The following TSPAN9 variants were observed in gnomAD, a reference collection of about 807,000 sequenced individuals.
TSPAN9 encodes the protein tetraspanin 9.
A neutral mutation model predicts 31.0 loss-of-function variants in TSPAN9; 16 were observed. That is an observed-to-expected ratio of 0.52 (90% CI 0.35 to 0.78). The LOEUF is 0.78. TSPAN9 is among the 30% of genes least tolerant of loss of function. The pLI is 0.01. For synonymous variants in TSPAN9, 145 were observed against 121.6 expected, an observed-to-expected ratio of 1.19 and a Z score of -1.27; for missense variants, 272 against 312.5, an observed-to-expected ratio of 0.87 and a Z score of 0.98.
chr12:3,211,975 T>C (rs1374648217), intron 3 of TSPAN9: 10 of 954,566 alleles, frequency 1.0e-5, no homozygotes, highest in Non-Finnish European at 1.6e-5. Flanking sequence ...TTTGTATTTC[T>C]TTCTTTTATT....
chr12:3,243,584 C>T (rs527869997), intron 3 of TSPAN9, among the ~76,000 whole-genome samples: 7 of 152,294 alleles, frequency 4.6e-5, no homozygotes, highest in East Asian at 1.9e-4. Flanking sequence ...AGCCAGATCA[C>T]GGCACAGGAA....
At chr12:3,161,162 G>A (rs566677179) in intron 2 of TSPAN9, among the ~76,000 whole-genome samples, 3 of 152,120 alleles carry the variant, frequency 2.0e-5, no homozygotes, top group African/African-American at 7.2e-5. Flanking sequence ...CAGAGGTTGG[G>A]ATGAGTCGAG....
intron 2 of TSPAN9, among the ~76,000 whole-genome samples, chr12:3,095,463 C>G (rs1448866696): frequency 7.0e-6 from 1 of 142,192 alleles, no homozygotes; most frequent in Non-Finnish European, 1.5e-5. Flanking sequence ...AGAGGCGCCC[C>G]TCACCTCCCG....
chr12:3,275,589 G>C (rs1357293024), intron 3 of TSPAN9, among the ~76,000 whole-genome samples: 1 of 152,264 alleles, frequency 6.6e-6, no homozygotes, highest in African/African-American at 2.4e-5. Flanking sequence ...AGCCATCGCT[G>C]GCGAACCCAG....
rs987072474 is a variant in TSPAN9, at chr12:3,094,670, G to A, written c.-18+10951G>A. Among the ~76,000 whole-genome samples, 4 of 151,370 alleles carry A rather than the reference G, an allele frequency of 2.6e-5. No homozygotes were observed. In the East Asian group the frequency reaches 7.8e-4, roughly 29 times the overall value. ...CCTGCCTCAGCCTCCCGAGTAGCTG[G>A]GATTACAGGTGGCTGCCACTACTCC... On this transcript the variant is annotated intron_variant, in intron 2 of 8. Coordinates refer to ENST00000011898, the MANE Select transcript of TSPAN9 (RefSeq NM_006675.5).
chr12:3,126,548 G>C (rs925169439), intron 2 of TSPAN9, among the ~76,000 whole-genome samples: 1 of 152,146 alleles, frequency 6.6e-6, no homozygotes, highest in East Asian at 1.9e-4. Context: ...GATTTAAAGT[G>C]GTACCCCTGT....
intron 3 of TSPAN9, among the ~76,000 whole-genome samples, chr12:3,213,575 T>A (rs575728728): frequency 4.6e-5 from 7 of 152,192 alleles, no homozygotes; most frequent in African/African-American, 1.2e-4. Flanking sequence ...GTGCACGAGG[T>A]GCTCACTTTG....
rs750314659 is a variant in TSPAN9 at position 3,205,719 on chromosome 12, C to CA, written c.63+4463_63+4464insA. Among the ~76,000 whole-genome samples the CA allele has an allele frequency of 1.4e-3, 37 of 26,446 alleles. 1 individual carries two copies. The highest frequency in any genetic ancestry group is 3.2e-3 in the Non-Finnish European group (30 of 9,328). 17.3% of individuals were successfully genotyped at this position (26,446 alleles called of 152,430 possible). A position where few individuals can be genotyped will look rare whatever the true frequency, so the allele number is the denominator to read the frequency against. ...ACCTGGGCAGCAAGAGGCACTTAGG[C>CA]CCCCCCCCCCCAGAGTGCTCAGGTG... On this transcript the variant is annotated intron_variant, in intron 3 of 8. Transcript: ENST00000011898.
intron 3 of TSPAN9, among the ~76,000 whole-genome samples, chr12:3,220,856 TC>T (rs1285032280): frequency 1.3e-5 from 2 of 152,126 alleles, no homozygotes; most frequent in Admixed American, 1.3e-4. Flanking sequence ...ACAGGGCCCT[TC>T]CTATCTTAGA....
chr12:3,201,902 T>TG (rs2098372105), intron 3 of TSPAN9, among the ~76,000 whole-genome samples: 1 of 152,190 alleles, frequency 6.6e-6, no homozygotes, highest in South Asian at 2.1e-4. Flanking sequence ...ATCGGGTGGC[T>TG]GGCTGCTGCT....
intron 2 of TSPAN9, among the ~76,000 whole-genome samples, chr12:3,178,789 A>C (rs887524440): frequency 4.6e-5 from 7 of 152,180 alleles, no homozygotes; most frequent in African/African-American, 7.2e-5. Flanking sequence ...GGTCGCGCTC[A>C]CTTGCCCTTG....
At chr12:3,281,598 G>A (rs1298434587) in intron 7 of TSPAN9, 136 bp from the exon 8 acceptor site, 3 of 1,146,794 alleles carry the variant, frequency 2.6e-6, no homozygotes, top group African/African-American at 3.1e-5. Flanking sequence ...GCCAAGGGAT[G>A]GGGACAGGGC....
chr12:3,257,495 T>C (rs141827210), intron 3 of TSPAN9, among the ~76,000 whole-genome samples: 128 of 152,046 alleles, frequency 8.4e-4, no homozygotes, highest in African/African-American at 2.8e-3. Flanking sequence ...TGATGGCTGC[T>C]GTCTCTGCAG....
chr12:3,101,677 C>T (rs1177912713), intron 2 of TSPAN9, among the ~76,000 whole-genome samples: 3 of 152,216 alleles, frequency 2.0e-5, no homozygotes, highest in Admixed American at 2.0e-4. Context: ...GTGCTCATCT[C>T]CATCCTTCTG....
intron 2 of TSPAN9, among the ~76,000 whole-genome samples, chr12:3,145,105 C>G (rs10774123): frequency 0.27 from 41,246 of 152,110 alleles, 6,554 homozygotes; most frequent in South Asian, 0.48. Context: ...TTCTTCCCCC[C>G]ACTCCCTTGT....
chr12:3,208,621 C>T (rs796667684), intron 3 of TSPAN9, among the ~76,000 whole-genome samples: 6 of 152,356 alleles, frequency 3.9e-5, no homozygotes, highest in African/African-American at 1.4e-4. Flanking sequence ...CACAGGGCTC[C>T]AGGTCCGGGT....
chr12:3,080,224 C>T (rs1019747396), intron 1 of TSPAN9, among the ~76,000 whole-genome samples: 1 of 152,188 alleles, frequency 6.6e-6, no homozygotes, highest in Non-Finnish European at 1.5e-5. Context: ...CTTCCAGCAT[C>T]AGATAATTAA....
At chr12:3,078,228 G>C (rs939268373) in intron 1 of TSPAN9, among the ~76,000 whole-genome samples, 8 of 152,088 alleles carry the variant, frequency 5.3e-5, no homozygotes, top group African/African-American at 1.9e-4. Flanking sequence ...CACCAAAACG[G>C]GGGGTAAGAA....
chr12:3,081,844 G>GTGTGTGTGTGTGTATATATA (rs57812985), intron 1 of TSPAN9, among the ~76,000 whole-genome samples: 1 of 116,738 alleles, frequency 8.6e-6, no homozygotes, highest in African/African-American at 3.7e-5. Flanking sequence ...GTCTGTGTGT[G>GTGTGTGTGTGTGTATATATA]TATATATATG....
Sources: allele counts gnomAD v4.1 joint callset (sites outside exome capture counted in the v4.1 genomes callset), GRCh38; gene constraint gnomAD v4.1.1; transcripts MANE v1.5; gene names NCBI Gene and HGNC (gene_info 2026-07-23, HGNC 2026-07-21).